DST: variants seen among roughly 807,000 people sequenced by gnomAD.
DST encodes dystonin.
DST carries 253 observed loss-of-function variants against 875.2 expected under a neutral mutation model. That is an observed-to-expected ratio of 0.29 (90% CI 0.26 to 0.32). DST has a LOEUF of 0.32. Among genes scored for constraint, DST ranks in the 10% least tolerant of loss-of-function variants. DST has a pLI of 1.00. For missense variants in DST, 8,287 were observed against 9,111.6 expected (o/e 0.91, Z 3.68); for synonymous variants, 3,124 against 3,197.1 (o/e 0.98, Z 0.77).
At chr6:56,581,336 A>C (rs1647013880) in intron 49 of DST, among the ~76,000 whole-genome samples, 1 of 152,186 alleles carries the variant, frequency 6.6e-6, no homozygotes, top group Admixed American at 6.5e-5. Flanking sequence ...GAGAAGAAAA[A>C]AAAGAACACA....
intron 4 of DST, among the ~76,000 whole-genome samples, chr6:56,750,296 A>G (rs2099583531): frequency 6.6e-6 from 1 of 152,194 alleles, no homozygotes; most frequent in Non-Finnish European, 1.5e-5. Flanking sequence ...GATCATCTCC[A>G]TACCTCAACT....
chr6:56,826,006 A>C (rs1429827573), intron 4 of DST, among the ~76,000 whole-genome samples: 2 of 152,226 alleles, frequency 1.3e-5, no homozygotes, highest in African/African-American at 4.8e-5. Flanking sequence ...TGAATGAAAA[A>C]AGTAAAGTTA....
chr6:56,525,379 ATTTC>A (rs1192428028), intron 69 of DST, among the ~76,000 whole-genome samples: 4 of 152,164 alleles, frequency 2.6e-5, no homozygotes, highest in Admixed American at 2.6e-4. Flanking sequence ...CTTCACAAAA[ATTTC>A]TTAGCCAGGG....
intron 4 of DST, among the ~76,000 whole-genome samples, chr6:56,812,793 A>G (rs1397850484): frequency 6.6e-6 from 1 of 152,200 alleles, no homozygotes; most frequent in Non-Finnish European, 1.5e-5. Flanking sequence ...GTGGGACTGT[A>G]AACTTGTTCA....
In DST at chr6:56,605,389, T is replaced by G; in HGVS notation, c.9239A>C (p.Asn3080Thr). Residue 3080 changes from asparagine (N) to threonine (T), a missense_variant, in exon 40 of 104, where the codon AAT (asparagine) becomes ACT (threonine). Physicochemically the swap from Asn to Thr is moderately conservative, Grantham distance 65. This residue lies in a region of DST where 3,138 missense variants were observed against 3,116.6 expected (regional missense o/e 1.01). Transcript: ENST00000680361. The part of the protein sequence containing the change: ...NRHLKLLPGK[N>T]TRDSFKLINS... ...AATTAACTTGAAACTATCCCTTGTA[T>G]TTTTACCAGGCAAAAGTTTGAGATG... The G allele has an allele frequency of 6.2e-7, 1 of 1,612,650 alleles. No individual in the cohort carries two copies. The highest frequency in any genetic ancestry group is 8.5e-7 in the Non-Finnish European group (1 of 1,179,206).
At chr6:56,696,309 T>C (rs1182827157) in intron 9 of DST, among the ~76,000 whole-genome samples, 2 of 152,136 alleles carry the variant, frequency 1.3e-5, no homozygotes, top group Non-Finnish European at 2.9e-5. Flanking sequence ...ATTACAGGCA[T>C]GTGCCACAAC....
chr6:56,464,371 G>C, intron 100 of DST: 1 of 385,144 alleles, frequency 2.6e-6, no homozygotes, highest in Non-Finnish European at 4.6e-6. Flanking sequence ...ACAAACACCA[G>C]ACCCAAGGAT....
chr6:56,639,673 A>G (rs764081653), intron 20 of DST, 23 bp downstream of exon 20: 10 of 1,612,954 alleles, frequency 6.2e-6, no homozygotes, highest in Non-Finnish European at 7.6e-6. Context: ...AGGGAAACAG[A>G]AGGTTTAAAA....
intron 4 of DST, among the ~76,000 whole-genome samples, chr6:56,753,289 T>C (rs188960284): frequency 6.6e-6 from 1 of 152,214 alleles, no homozygotes; most frequent in African/African-American, 2.4e-5. Flanking sequence ...TGGGAGTCTA[T>C]CAGGAAGGCA....
intron 4 of DST, among the ~76,000 whole-genome samples, chr6:56,813,636 TGA>T (rs2099763329): frequency 6.6e-6 from 1 of 152,142 alleles, no homozygotes; most frequent in Non-Finnish European, 1.5e-5. Flanking sequence ...AATATAAATT[TGA>T]GATACGCTTT....
At chr6:56,937,456 G>A (rs960274441) in intron 2 of DST, among the ~76,000 whole-genome samples, 7 of 152,002 alleles carry the variant, frequency 4.6e-5, no homozygotes, top group South Asian at 2.1e-4. Flanking sequence ...ATCAAACCTC[G>A]GAGCTATCAC....
intron 12 of DST, among the ~76,000 whole-genome samples, chr6:56,649,438 A>G (rs1484519322): frequency 6.6e-6 from 1 of 152,254 alleles, no homozygotes; most frequent in African/African-American, 2.4e-5. Flanking sequence ...GAAATGTTGA[A>G]ATAACTAAAA....
At chr6:56,792,502 T>C (rs2099728561) in intron 4 of DST, among the ~76,000 whole-genome samples, 1 of 152,056 alleles carries the variant, frequency 6.6e-6, no homozygotes, top group Non-Finnish European at 1.5e-5. Flanking sequence ...GGTCTCACTA[T>C]GTTGCCCAGG....
At chr6:56,884,592 T>C (rs1592069574) in intron 3 of DST, among the ~76,000 whole-genome samples, 1 of 152,172 alleles carries the variant, frequency 6.6e-6, no homozygotes, top group African/African-American at 2.4e-5. Context: ...GCTTGCAAGG[T>C]GGTAAAATTG....
At chr6:56,692,693 A>AATATGG (rs1170893672) in intron 9 of DST, 2 of 1,289,674 alleles carry the variant, frequency 1.6e-6, no homozygotes, top group Non-Finnish European at 1.0e-6. Context: ...CTCTTTGCGC[A>AATATGG]ATATGGAGTG....
intron 2 of DST, among the ~76,000 whole-genome samples, chr6:56,915,991 C>G (rs1562389958): frequency 1.3e-5 from 2 of 152,192 alleles, no homozygotes; most frequent in Non-Finnish European, 2.9e-5. Context: ...ATGACTGAGG[C>G]AGGCTAAGCC....
intron 39 of DST, among the ~76,000 whole-genome samples, chr6:56,609,996 T>A (rs1174073830): frequency 6.6e-6 from 1 of 152,192 alleles, no homozygotes; most frequent in East Asian, 1.9e-4. Context: ...TGCTAGGGCA[T>A]CCTCACTATA....
chr6:56,862,372 G>C (rs551978182), intron 3 of DST, among the ~76,000 whole-genome samples: 3 of 152,078 alleles, frequency 2.0e-5, no homozygotes, highest in South Asian at 2.1e-4. Context: ...TAGTGTTTGA[G>C]GGGGGAAGAT....
At position 56,492,962 on chromosome 6, in the gene DST, G is replaced by A. The variant is rs1423957583; in HGVS notation, c.20522C>T (p.Thr6841Ile). The A allele has an allele frequency of 1.2e-6, 2 of 1,610,356 alleles. No homozygotes were observed. The highest frequency in any genetic ancestry group is 1.7e-6 in the Non-Finnish European group (2 of 1,178,260). Reference protein sequence around the residue: ...VASRPSLILDTVLFQIDEHKV... With the variant: ...VASRPSLILDIVLFQIDEHKV... ...GTGTTCGTCAATTTGAAATAAGACTGTGTCCAAGATGAGACTTGGCCGAGA... is the reference window on the plus strand; with the variant it reads ...GTGTTCGTCAATTTGAAATAAGACTATGTCCAAGATGAGACTTGGCCGAGA... The change falls in exon 84 of 104, where the codon ACA becomes ATA. Residue 6841 changes from threonine (T) to isoleucine (I), a missense_variant. This residue lies in a region of DST where 1,292 missense variants were observed against 1,552.7 expected (regional missense o/e 0.83). Transcript: ENST00000680361.
Sources: gnomAD v4.1 joint callset for allele counts (sites outside exome capture counted in the v4.1 genomes callset) on GRCh38, gnomAD v4.1.1 for gene constraint, gnomAD v4.1.1 regional missense constraint, MANE v1.5 for transcripts, NCBI Gene and HGNC (gene_info 2026-07-23, HGNC 2026-07-21) for gene names.